GABBR2: variants seen among roughly 807,000 people sequenced by gnomAD.
GABBR2 encodes the protein gamma-aminobutyric acid type B receptor subunit 2.
Under a neutral mutation model 105.6 loss-of-function variants are expected in GABBR2, and 23 were observed. That is an observed-to-expected ratio of 0.22 (90% CI 0.16 to 0.31). The LOEUF is 0.31. Ranked by LOEUF, GABBR2 falls within the 10% of genes least tolerant of loss-of-function variation. The pLI is 1.00. For missense variants in GABBR2, 734 were observed against 1,245.5 expected, an observed-to-expected ratio of 0.59 and a Z score of 6.18; for synonymous variants, 478 against 499.7, an observed-to-expected ratio of 0.96 and a Z score of 0.58.
At chr9:98,301,822 C>T (rs1186494576) in intron 16 of GABBR2, among the ~76,000 whole-genome samples, 2 of 152,104 alleles carry the variant, frequency 1.3e-5, no homozygotes, top group African/African-American at 4.8e-5. Context: ...CTTTGGGGGA[C>T]AGAAACCCTT....
At chr9:98,373,021 C>A (rs1322047217) in intron 11 of GABBR2, among the ~76,000 whole-genome samples, 1 of 151,622 alleles carries the variant, frequency 6.6e-6, no homozygotes, top group Non-Finnish European at 1.5e-5. Flanking sequence ...TAAAAATGAA[C>A]CACAGTGCTT....
intron 1 of GABBR2, among the ~76,000 whole-genome samples, chr9:98,606,641 C>G (rs979113569): frequency 6.6e-6 from 1 of 151,690 alleles, no homozygotes; most frequent in African/African-American, 2.4e-5. Context: ...CCAACATGCC[C>G]GGTCGATTTT....
intron 1 of GABBR2, among the ~76,000 whole-genome samples, chr9:98,636,098 A>G (rs1829872635): frequency 6.6e-6 from 1 of 152,166 alleles, no homozygotes; most frequent in Non-Finnish European, 1.5e-5. Context: ...CTCCATTATG[A>G]AAAATGATGT....
chr9:98,628,467 G>A (rs751696496), intron 1 of GABBR2, among the ~76,000 whole-genome samples: 3 of 152,200 alleles, frequency 2.0e-5, no homozygotes, highest in Non-Finnish European at 2.9e-5. Flanking sequence ...TGTCAGCTCC[G>A]GGGCACCATT....
chr9:98,632,190 T>C (rs1279175106), intron 1 of GABBR2, among the ~76,000 whole-genome samples: 1 of 152,176 alleles, frequency 6.6e-6, no homozygotes, highest in Admixed American at 6.5e-5. Context: ...AAGAAGTATG[T>C]CCTAGTGGAA....
intron 1 of GABBR2, among the ~76,000 whole-genome samples, chr9:98,612,182 C>A (rs907247552): frequency 2.8e-4 from 43 of 152,242 alleles, no homozygotes; most frequent in Non-Finnish European, 1.9e-4. Flanking sequence ...GCATGGCCTG[C>A]ACAGCTCTGA....
intron 1 of GABBR2, among the ~76,000 whole-genome samples, chr9:98,614,674 A>G (rs1829554604): frequency 2.0e-5 from 3 of 152,160 alleles, no homozygotes; most frequent in Admixed American, 2.0e-4. Flanking sequence ...CTGCAGTAAG[A>G]TATAACAATA....
intron 2 of GABBR2, among the ~76,000 whole-genome samples, chr9:98,549,093 C>T (rs1828440800): frequency 8.3e-6 from 1 of 120,854 alleles, no homozygotes; most frequent in Non-Finnish European, 1.9e-5. Flanking sequence ...CACCACCATG[C>T]CCAGCTAATT....
chr9:98,519,685 T>G (rs1194924808), intron 3 of GABBR2, among the ~76,000 whole-genome samples: 1 of 151,128 alleles, frequency 6.6e-6, no homozygotes, highest in African/African-American at 2.4e-5. Context: ...TACAATAGCC[T>G]ATGCTGGAAA....
intron 13 of GABBR2, among the ~76,000 whole-genome samples, chr9:98,347,338 G>T (rs1831319268): frequency 6.6e-6 from 1 of 152,156 alleles, no homozygotes. Context: ...TAGTGATGGT[G>T]AACACTTTTT....
chr9:98,324,036 C>T (rs957277242), intron 13 of GABBR2, among the ~76,000 whole-genome samples: 4 of 152,196 alleles, frequency 2.6e-5, no homozygotes, highest in Admixed American at 6.5e-5. Context: ...TCACATTTTG[C>T]GCAGGAGAAT....
chr9:98,535,182 C>A (rs1828149403), intron 3 of GABBR2, among the ~76,000 whole-genome samples: 1 of 152,154 alleles, frequency 6.6e-6, no homozygotes, highest in Non-Finnish European at 1.5e-5. Context: ...ACTGCAACCT[C>A]CACCTCTCAG....
intron 1 of GABBR2, among the ~76,000 whole-genome samples, chr9:98,597,778 G>C (rs1288072697): frequency 6.6e-6 from 1 of 152,146 alleles, no homozygotes; most frequent in Non-Finnish European, 1.5e-5. Context: ...GGGAAGAGCA[G>C]GGAAGAGAGT....
intron 7 of GABBR2, among the ~76,000 whole-genome samples, chr9:98,432,788 T>C (rs1479899740): frequency 6.6e-6 from 1 of 152,180 alleles, no homozygotes; most frequent in Non-Finnish European, 1.5e-5. Flanking sequence ...TACAGATGAA[T>C]TGAGGCACAG....
intron 1 of GABBR2, among the ~76,000 whole-genome samples, chr9:98,599,629 C>T (rs1829295046): frequency 1.3e-5 from 2 of 152,240 alleles, no homozygotes; most frequent in South Asian, 2.1e-4. Context: ...GAGCATGTGG[C>T]CCCAGGCCCC....
At chr9:98,611,353 T>G (rs1241376024) in intron 1 of GABBR2, among the ~76,000 whole-genome samples, 4 of 152,128 alleles carry the variant, frequency 2.6e-5, no homozygotes, top group Admixed American at 6.6e-5. Flanking sequence ...GCCACCACAC[T>G]TACTGTCACC....
At chr9:98,408,564 C>T (rs777857621) in intron 7 of GABBR2, among the ~76,000 whole-genome samples, 1 of 152,172 alleles carries the variant, frequency 6.6e-6, no homozygotes, top group Non-Finnish European at 1.5e-5. Flanking sequence ...GAAGTTCTGC[C>T]CAATAGGTGT....
At chr9:98,351,349 G>A (rs1181753216) in intron 13 of GABBR2, among the ~76,000 whole-genome samples, 1 of 151,988 alleles carries the variant, frequency 6.6e-6, no homozygotes, top group African/African-American at 2.4e-5. Flanking sequence ...TTTGTCTTTT[G>A]GTGGTTTTCA....
intron 1 of GABBR2, among the ~76,000 whole-genome samples, chr9:98,647,796 A>C (rs1225051837): frequency 1.3e-5 from 2 of 152,316 alleles, no homozygotes; most frequent in East Asian, 3.9e-4. Flanking sequence ...GTTGCTACTC[A>C]AGTGATGTTA....
Sources: allele counts gnomAD v4.1 joint callset (sites outside exome capture counted in the v4.1 genomes callset), GRCh38; gene constraint gnomAD v4.1.1; transcripts MANE v1.5; gene names NCBI Gene and HGNC (gene_info 2026-07-23, HGNC 2026-07-21).